Variants in KIF21A observed in about 807,000 individuals in gnomAD.
The protein encoded by KIF21A is kinesin-like protein KIF21A.
Under a neutral mutation model 202.9 loss-of-function variants are expected in KIF21A, and 114 were observed. That is an observed-to-expected ratio of 0.56 (90% CI 0.48 to 0.66). The LOEUF (loss-of-function observed/expected upper bound fraction) is 0.66. Among genes scored for constraint, KIF21A ranks in the 30% least tolerant of loss-of-function variants. The probability of loss-of-function intolerance (pLI) is 0.00; values close to 1 mark genes in which losing one functional copy is unlikely to be tolerated. For missense variants in KIF21A, 1,677 were observed against 1,994.9 expected, an observed-to-expected ratio of 0.84 and a Z score of 3.04; for synonymous variants, 667 against 670.8, an observed-to-expected ratio of 0.99 and a Z score of 0.09.
rs1401809989 is a variant in KIF21A, at chr12:39,332,947, C to A, written c.2648G>T (p.Arg883Ile). 2.5e-6 allele frequency: 4 copies of A among 1,614,008 alleles called. No homozygotes were observed. ...ASRTGAQQKM[R>I]IPVARVQALP... The stretch of plus-strand genomic sequence containing the variant: ...GGCCTGGACTCTCGCCACAGGAATT[C>A]TCATTTTCTGCTGGGCTCCTGTCCT... The change falls in exon 19 of 38, where the codon AGA (arginine) becomes ATA (isoleucine). Residue 883 changes from arginine (R) to isoleucine (I), a missense_variant. Physicochemically the swap from Arg to Ile is moderately conservative, Grantham distance 97 (BLOSUM62 -3). Around this residue, in one of 3 missense-constraint regions of KIF21A, gnomAD observed 966 missense variants for 1,180.9 expected, o/e 0.82. Coordinates refer to ENST00000361418, the MANE Select transcript of KIF21A (RefSeq NM_001173464.2).
chr12:39,333,330 A>G (rs752858530), intron 17 of KIF21A, 50 bp from the exon 18 acceptor site: 2 of 1,275,270 alleles, frequency 1.6e-6, no homozygotes, highest in Non-Finnish European at 2.3e-6. Context: ...AAGATACAAT[A>G]TTTCCTATTC....
chr12:39,381,538 A>T (rs1950616720), intron 1 of KIF21A, among the ~76,000 whole-genome samples: 1 of 152,230 alleles, frequency 6.6e-6, no homozygotes, highest in Admixed American at 6.5e-5. Context: ...CAAACATGTT[A>T]TTGATACCAA....
At chr12:39,366,104 T>C (rs965089300) in intron 6 of KIF21A, among the ~76,000 whole-genome samples, 3 of 152,190 alleles carry the variant, frequency 2.0e-5, no homozygotes, top group South Asian at 4.1e-4. Context: ...TCTATAATTT[T>C]CTGCACATAT....
chr12:39,401,672 G>C (rs1337878926), intron 1 of KIF21A, among the ~76,000 whole-genome samples: 1 of 152,154 alleles, frequency 6.6e-6, no homozygotes, highest in African/African-American at 2.4e-5. Flanking sequence ...ATCAAAACCA[G>C]TGCCCAGAAC....
At chr12:39,315,141 A>T in intron 31 of KIF21A, 88 bp downstream of exon 31, 2 of 1,286,600 alleles carry the variant, frequency 1.6e-6, no homozygotes. Context: ...GAGAGAAAAA[A>T]ATAAACACTT....
chr12:39,341,679 C>T, intron 13 of KIF21A, 57 bp from the exon 14 acceptor site: 1 of 1,538,334 alleles, frequency 6.5e-7, no homozygotes, highest in African/African-American at 1.4e-5. Flanking sequence ...AACTGACTCC[C>T]TCATTGAGAG....
intron 1 of KIF21A, among the ~76,000 whole-genome samples, chr12:39,410,258 A>G (rs1952978458): frequency 1.3e-5 from 2 of 152,246 alleles, no homozygotes; most frequent in Admixed American, 1.3e-4. Context: ...GTTTTGGTCC[A>G]GTAAAACCAA....
chr12:39,364,340 A>G (rs1479240707), intron 6 of KIF21A, among the ~76,000 whole-genome samples: 2 of 152,220 alleles, frequency 1.3e-5, no homozygotes, highest in Non-Finnish European at 2.9e-5. Context: ...ATATGTCTCA[A>G]CATGCTTCAA....
chr12:39,345,362 CT>C (rs1947809063), intron 12 of KIF21A, among the ~76,000 whole-genome samples: 1 of 151,726 alleles, frequency 6.6e-6, no homozygotes, highest in Non-Finnish European at 1.5e-5. Context: ...ACATGTTGTC[CT>C]AAATATGTAT....
chr12:39,340,815 G>A lies in KIF21A; in HGVS notation c.2110+91C>T, dbSNP rs375996253. The A allele has an allele frequency of 1.6e-4, 144 of 898,648 alleles. No individual in the cohort carries two copies. The African/African-American group carries it at 2.2e-3, about 13-fold the overall frequency. 55.7% of individuals were successfully genotyped at this position (898,648 alleles called of 1,614,324 possible). A position where few individuals can be genotyped will look rare whatever the true frequency, so the allele number is the denominator to read the frequency against. ...TAAATAACAAAAAAGGGTTTAATAC[G>A]GCTTCTATTTTTTTTCTTCTAAAGG... On this transcript the variant is annotated intron_variant, in intron 15 of 37. Transcript: ENST00000361418.
intron 17 of KIF21A, among the ~76,000 whole-genome samples, chr12:39,335,410 C>CA (rs1033088626): frequency 0.072 from 4,385 of 60,992 alleles, 229 homozygotes; most frequent in African/African-American, 0.16. Context: ...GACTCTGTCT[C>CA]AAAAAAAAAA....
chr12:39,331,152 C>A (rs1946470606), intron 22 of KIF21A, among the ~76,000 whole-genome samples: 1 of 151,626 alleles, frequency 6.6e-6, no homozygotes, highest in Non-Finnish European at 1.5e-5. Flanking sequence ...TACCTCTTAG[C>A]ACATTGTGAA....
intron 37 of KIF21A, among the ~76,000 whole-genome samples, chr12:39,299,079 A>G (rs1396466969): frequency 1.3e-5 from 2 of 152,192 alleles, no homozygotes; most frequent in African/African-American, 4.8e-5. Flanking sequence ...AATATGTAGT[A>G]GACATATTTG....
At chr12:39,426,341 G>T (rs1258699301) in intron 1 of KIF21A, among the ~76,000 whole-genome samples, 1 of 152,152 alleles carries the variant, frequency 6.6e-6, no homozygotes, top group East Asian at 1.9e-4. Context: ...ATGTATGCGT[G>T]TACTCATATC....
At chr12:39,395,943 C>T (rs372674076) in intron 1 of KIF21A, among the ~76,000 whole-genome samples, 14 of 151,946 alleles carry the variant, frequency 9.2e-5, no homozygotes, top group African/African-American at 3.4e-4. Context: ...CACCCCACTC[C>T]AGCAATACAT....
At chr12:39,302,745 C>T (rs1243672453) in intron 36 of KIF21A, among the ~76,000 whole-genome samples, 5 of 152,214 alleles carry the variant, frequency 3.3e-5, no homozygotes, top group Admixed American at 6.5e-5. Flanking sequence ...CTCTTATCAG[C>T]ATCTCTTCTT....
chr12:39,435,409 G>C (rs927835373), intron 1 of KIF21A, among the ~76,000 whole-genome samples: 18 of 152,150 alleles, frequency 1.2e-4, no homozygotes, highest in Non-Finnish European at 2.6e-4. Context: ...GCAGGTCTAA[G>C]ACCCCAAATG....
intron 26 of KIF21A, among the ~76,000 whole-genome samples, 177 bp from the exon 27 acceptor site, chr12:39,323,059 C>G (rs962730480): frequency 6.6e-6 from 1 of 152,094 alleles, no homozygotes; most frequent in East Asian, 1.9e-4. Flanking sequence ...CTAGATAAAC[C>G]TTTAGAGGCC....
chr12:39,429,287 A>C (rs1367444016), intron 1 of KIF21A, among the ~76,000 whole-genome samples: 1 of 152,224 alleles, frequency 6.6e-6, no homozygotes, highest in Non-Finnish European at 1.5e-5. Flanking sequence ...CATTTTATTC[A>C]AACTGCTCTA....
Sources: allele counts gnomAD v4.1 joint callset (sites outside exome capture counted in the v4.1 genomes callset), GRCh38; gene constraint gnomAD v4.1.1; regional missense constraint gnomAD v4.1.1; transcripts MANE v1.5; gene names NCBI Gene and HGNC (gene_info 2026-07-23, HGNC 2026-07-21).